The following ZFAND3 variants were observed in gnomAD, a reference collection of about 807,000 sequenced individuals.
The protein encoded by ZFAND3 is zinc finger AN1-type containing 3.
Under a neutral mutation model 29.6 loss-of-function variants are expected in ZFAND3, and 10 were observed. The observed-to-expected ratio is 0.34, with a 90% CI of 0.21 to 0.57. ZFAND3 has a LOEUF of 0.57. ZFAND3 is among the 20% of genes least tolerant of loss of function. The pLI, the probability that ZFAND3 is intolerant of heterozygous loss-of-function variation, is 0.86. For missense variants in ZFAND3, 230 were observed against 304.5 expected, an observed-to-expected ratio of 0.76 and a Z score of 1.82; for synonymous variants, 128 against 112.6, an observed-to-expected ratio of 1.14 and a Z score of -0.87.
At chr6:38,136,002 A>AG (rs1004254824) in intron 5 of ZFAND3, among the ~76,000 whole-genome samples, 19 of 152,252 alleles carry the variant, frequency 1.2e-4, no homozygotes, top group African/African-American at 4.3e-4. Context: ...TGTGTTGGAG[A>AG]GAAAAGAGAC....
chr6:37,865,593 A>G (rs990872832), intron 1 of ZFAND3, among the ~76,000 whole-genome samples: 1 of 152,254 alleles, frequency 6.6e-6, no homozygotes, highest in African/African-American at 2.4e-5. Context: ...GTTAGAAACT[A>G]CATATTTTAC....
intron 2 of ZFAND3, among the ~76,000 whole-genome samples, chr6:38,015,336 T>C (rs1024647620): frequency 6.6e-6 from 1 of 152,216 alleles, no homozygotes; most frequent in Non-Finnish European, 1.5e-5. Context: ...TGCCAAATGT[T>C]AATGAGGATG....
chr6:38,021,785 A>G (rs1763358850), intron 2 of ZFAND3, among the ~76,000 whole-genome samples: 2 of 152,182 alleles, frequency 1.3e-5, no homozygotes, highest in African/African-American at 2.4e-5. Context: ...GCTGTCCAAG[A>G]CAATTCCTGC....
intron 1 of ZFAND3, among the ~76,000 whole-genome samples, chr6:37,829,569 G>A (rs1392521298): frequency 6.6e-6 from 1 of 152,172 alleles, no homozygotes; most frequent in Non-Finnish European, 1.5e-5. Flanking sequence ...AATAAATGGA[G>A]AAGTGTTTTT....
chr6:38,039,389 A>G (rs1447254442), intron 2 of ZFAND3, among the ~76,000 whole-genome samples: 1 of 152,190 alleles, frequency 6.6e-6, no homozygotes, highest in African/African-American at 2.4e-5. Flanking sequence ...GAATGACCTA[A>G]TTGGCCACTT....
chr6:37,959,551 T>C (rs1233485713), intron 2 of ZFAND3, among the ~76,000 whole-genome samples: 1 of 152,220 alleles, frequency 6.6e-6, no homozygotes, highest in African/African-American at 2.4e-5. Context: ...TTGAATAATA[T>C]GGATTCATAT....
intron 1 of ZFAND3, among the ~76,000 whole-genome samples, chr6:37,862,792 G>A (rs987348900): frequency 6.6e-6 from 1 of 151,288 alleles, no homozygotes; most frequent in Admixed American, 6.6e-5. Flanking sequence ...ACATCTCCAC[G>A]TATTCATGTC....
At chr6:38,081,942 C>T (rs184209161) in intron 3 of ZFAND3, among the ~76,000 whole-genome samples, 6 of 152,176 alleles carry the variant, frequency 3.9e-5, no homozygotes, top group Admixed American at 3.3e-4. Flanking sequence ...GCCCCCTCCC[C>T]TTATTATGTA....
chr6:38,028,322 A>G (rs540038833), intron 2 of ZFAND3, among the ~76,000 whole-genome samples: 7 of 152,276 alleles, frequency 4.6e-5, no homozygotes, highest in African/African-American at 7.2e-5. Flanking sequence ...TATAGGACCT[A>G]TATGTTAGTG....
At chr6:37,841,943 A>G (rs11970145) in intron 1 of ZFAND3, among the ~76,000 whole-genome samples, 19,561 of 152,068 alleles carry the variant, frequency 0.13, 2,018 homozygotes, top group African/African-American at 0.29. Context: ...TTTATTGCTC[A>G]TAGTTCTGGA....
intron 4 of ZFAND3, among the ~76,000 whole-genome samples, chr6:38,084,430 A>G (rs978364899): frequency 3.9e-4 from 59 of 152,170 alleles, no homozygotes; most frequent in Admixed American, 2.6e-4. Context: ...TAATATGCTC[A>G]CCTAATAGAC....
intron 4 of ZFAND3, among the ~76,000 whole-genome samples, chr6:38,098,399 C>T (rs972585815): frequency 6.6e-6 from 1 of 152,226 alleles, no homozygotes; most frequent in African/African-American, 2.4e-5. Flanking sequence ...ATCCACCAGC[C>T]TTGGTCTCCC....
intron 2 of ZFAND3, among the ~76,000 whole-genome samples, chr6:37,977,984 T>C (rs1762518862): frequency 6.6e-6 from 1 of 151,404 alleles, no homozygotes; most frequent in African/African-American, 2.4e-5. Context: ...CAGGCTAGAG[T>C]GCAGTGGCTT....
rs563636264 is a variant in ZFAND3, at chr6:37,919,727, G to A, written c.72-10232G>A. 2.0e-5 allele frequency among the ~76,000 whole-genome samples: 3 copies of A among 152,266 alleles called. No individual in the cohort carries two copies. The East Asian group carries it at 5.8e-4, about 29-fold the overall frequency. On this transcript the variant is annotated intron_variant, in intron 1 of 5. Coordinates refer to ENST00000287218, the MANE Select transcript of ZFAND3 (RefSeq NM_021943.3). ...AGATCTTCAGAGGCCTTCTTCAATG[G>A]CAGCTACTATTTGTAATCACTCTCC...
intron 2 of ZFAND3, among the ~76,000 whole-genome samples, chr6:37,942,969 A>G (rs191108400): frequency 6.6e-6 from 1 of 152,338 alleles, no homozygotes; most frequent in East Asian, 1.9e-4. Context: ...CTAGACGTAG[A>G]AAGACTTGGT....
chr6:38,068,476 T>C (rs1764388193), intron 3 of ZFAND3, among the ~76,000 whole-genome samples: 1 of 152,182 alleles, frequency 6.6e-6, no homozygotes, highest in South Asian at 2.1e-4. Context: ...AACCCTGTTT[T>C]ACAGAGTTCT....
Position 38,031,904 on chromosome 6 carries a change from T to A in ZFAND3, c.113-29689T>A, listed in dbSNP as rs12663957. ...GTCCTTGCAGTGGTGTCATCATAGC[T>A]CACTGCAGCCTCAATCTCCTGGACC... On this transcript the variant is annotated intron_variant, in intron 2 of 5. Coordinates refer to ENST00000287218, the MANE Select transcript of ZFAND3 (RefSeq NM_021943.3). Among the ~76,000 whole-genome samples the A allele has an allele frequency of 0.018, 2,486 of 141,850 alleles. 248 individuals are homozygous for A. The East Asian group carries it at 0.31, about 18-fold the overall frequency. The allele number at this position is 141,850 out of a possible 152,430, so 93.1% of individuals were successfully genotyped here.
intron 2 of ZFAND3, among the ~76,000 whole-genome samples, chr6:37,992,557 T>C (rs1316041936): frequency 3.3e-5 from 5 of 152,182 alleles, no homozygotes; most frequent in Non-Finnish European, 4.4e-5. Context: ...GTTGCAAACA[T>C]TGACACTCCA....
At chr6:37,895,853 GTACCAAATCAACA>G (rs1413413246) in intron 1 of ZFAND3, among the ~76,000 whole-genome samples, 2 of 152,252 alleles carry the variant, frequency 1.3e-5, no homozygotes, top group East Asian at 3.9e-4. Context: ...AGGCTGTGGT[GTACCAAATCAACA>G]TTTAATCTAG....
Sources: gnomAD v4.1 joint callset for allele counts (sites outside exome capture counted in the v4.1 genomes callset) on GRCh38, gnomAD v4.1.1 for gene constraint, MANE v1.5 for transcripts, NCBI Gene and HGNC (gene_info 2026-07-23, HGNC 2026-07-21) for gene names.